Variants in CABIN1 observed in about 807,000 individuals in gnomAD.
CABIN1 encodes the protein calcineurin binding protein 1, also known as calcineurin-binding protein cabin-1.
A neutral mutation model predicts 227.7 loss-of-function variants in CABIN1; 133 were observed. The observed-to-expected ratio is 0.58, with a 90% CI of 0.51 to 0.67. The LOEUF (loss-of-function observed/expected upper bound fraction) is 0.67. CABIN1 is among the 30% of genes least tolerant of loss of function. The probability of loss-of-function intolerance (pLI) is 0.00; values close to 1 mark genes in which losing one functional copy is unlikely to be tolerated. For synonymous variants in CABIN1, 1,086 were observed against 1,155.1 expected (o/e 0.94, Z 1.21); for missense variants, 2,408 against 2,852.5 (o/e 0.84, Z 3.55).
chr22:24,025,634 G>C (rs906919582), intron 1 of CABIN1, among the ~76,000 whole-genome samples: 1 of 152,154 alleles, frequency 6.6e-6, no homozygotes, highest in African/African-American at 2.4e-5. Context: ...CGCTCTGCTG[G>C]TTGTTTTAAG....
chr22:24,091,933 A>G, intron 24 of CABIN1, 90 bp downstream of exon 24: 1 of 1,535,974 alleles, frequency 6.5e-7, no homozygotes, highest in Non-Finnish European at 8.9e-7. Flanking sequence ...GGTTCCAGTG[A>G]CCGTCCTTCA....
rs1461010763 is a variant in CABIN1, at chr22:24,167,004, G to A, written c.5373G>A (p.Glu1791=). The change falls in exon 32 of 37, where the codon GAG becomes GAA. Residue 1791 remains glutamate, a synonymous_variant. Transcript: ENST00000263119. ...PGRPARDRGP[E]SRPTELSLEE... The stretch of plus-strand genomic sequence containing the variant: ...GCCCCGCAAGGGACCGGGGCCCCGA[G>A]AGCCGGCCCACTGAGCTGTCCCTGG... 4 of 1,562,636 alleles carry A rather than the reference G, an allele frequency of 2.6e-6. No homozygotes were observed. In the Admixed American group the frequency reaches 7.7e-5, roughly 30 times the overall value.
Position 24,177,563 on chromosome 22 carries a change from A to T in CABIN1, c.6265A>T (p.Thr2089Ser). Residue 2089 changes from threonine (T) to serine (S), a missense_variant, in exon 36 of 37, where the codon ACT becomes TCT. Thr to Ser is a moderately conservative substitution (Grantham distance 58, BLOSUM62 1). This residue lies in a region of CABIN1 where 714 missense variants were observed against 773.8 expected (regional missense o/e 0.92). Coordinates refer to ENST00000263119, the MANE Select transcript of CABIN1 (RefSeq NM_012295.4). The surrounding 1 kb of genome is among the most constrained non-coding windows in gnomAD (Gnocchi z 4.4). The part of the protein sequence containing the change: ...DGEAQEAASE[T>S]QPLSSPPTAA... The stretch of plus-strand genomic sequence containing the variant: ...GGAGGCTCAGGAGGCTGCGAGTGAG[A>T]CTCAGCCCCTGAGCTCTCCCCCAAC... 1.3e-6 allele frequency: 2 copies of T among 1,589,826 alleles called. No individual in the cohort carries two copies. The highest frequency in any genetic ancestry group is 1.7e-6 in the Non-Finnish European group (2 of 1,163,654).
intron 29 of CABIN1, 71 bp from the exon 30 acceptor site, chr22:24,164,329 A>G (rs916650841): frequency 1.5e-4 from 241 of 1,582,348 alleles, no homozygotes; most frequent in Non-Finnish European, 2.0e-4. Context: ...TCCAGGGGAT[A>G]CCAGACAGGG....
intron 33 of CABIN1, 96 bp from the exon 34 acceptor site, chr22:24,171,616 GA>G (rs1235882925): frequency 2.4e-5 from 34 of 1,432,624 alleles, no homozygotes; most frequent in Non-Finnish European, 3.1e-5. Flanking sequence ...AGGCGCACAG[GA>G]TGTCCTGTGG....
At chr22:24,048,495 A>C (rs1356293319) in intron 6 of CABIN1, among the ~76,000 whole-genome samples, 1 of 151,900 alleles carries the variant, frequency 6.6e-6, no homozygotes, top group Non-Finnish European at 1.5e-5. Context: ...ATCACAGCTC[A>C]CTGCAGCCTC....
chr22:24,057,922 T>A (rs2038921667), intron 10 of CABIN1, among the ~76,000 whole-genome samples: 1 of 152,236 alleles, frequency 6.6e-6, no homozygotes, highest in Admixed American at 6.5e-5. Context: ...TAGCCCTGCT[T>A]TTTACTCCAA....
intron 35 of CABIN1, among the ~76,000 whole-genome samples, chr22:24,176,750 G>A (rs1039361292): frequency 6.6e-6 from 1 of 152,202 alleles, no homozygotes; most frequent in Non-Finnish European, 1.5e-5. Flanking sequence ...TTCTAGCCCT[G>A]GCCTCAGTCC....
intron 3 of CABIN1, 44 bp from the exon 4 acceptor site, chr22:24,038,304 A>C: frequency 1.3e-6 from 2 of 1,518,044 alleles, no homozygotes; most frequent in Non-Finnish European, 1.8e-6. Flanking sequence ...TAAAAAAGAC[A>C]GATCTTTATG....
At chr22:24,036,778 A>C (rs2036927259) in intron 3 of CABIN1, among the ~76,000 whole-genome samples, 1 of 151,756 alleles carries the variant, frequency 6.6e-6, no homozygotes, top group African/African-American at 2.4e-5. Flanking sequence ...CTTCCCTTCC[A>C]CCCCGCTGCA....
At chr22:24,140,864 C>T (rs759373543) in intron 29 of CABIN1, among the ~76,000 whole-genome samples, 20 of 152,164 alleles carry the variant, frequency 1.3e-4, no homozygotes, top group Admixed American at 2.0e-4. Flanking sequence ...TCCCCTAAAG[C>T]TGCTCCTGCC....
At chr22:24,079,276 GTTA>G (rs1405018349) in intron 19 of CABIN1, among the ~76,000 whole-genome samples, 1 of 151,724 alleles carries the variant, frequency 6.6e-6, no homozygotes. Flanking sequence ...GTAAGTATTT[GTTA>G]TTATTTTTTA....
Position 24,168,455 on chromosome 22 carries a change from G to C in CABIN1, c.5691G>C (p.Glu1897Asp). The C allele has an allele frequency of 6.4e-7, 1 of 1,571,392 alleles. No homozygotes were observed. The highest frequency in any genetic ancestry group is 8.6e-7 in the Non-Finnish European group (1 of 1,158,202). Residue 1897 changes from glutamate (E) to aspartate (D), a missense_variant, in exon 33 of 37, where the codon GAG becomes GAC. This residue lies in a region of CABIN1 where 714 missense variants were observed against 773.8 expected (regional missense o/e 0.92). Transcript: ENST00000263119. ...AGCATCTCCCTGTTAAGGTGGATGA[G>C]GAGGCTGCGCTGGAGCAGGCTGTGA... ...ETYMLIKQVD[E>D]EAALEQAVKF...
At chr22:24,035,403 C>G (rs2036791546) in intron 1 of CABIN1, 41 bp from the exon 2 acceptor site, 3 of 1,417,514 alleles carry the variant, frequency 2.1e-6, no homozygotes, top group Admixed American at 1.7e-5. Flanking sequence ...CTTCCTGGCT[C>G]TTCATAGGCC....
intron 28 of CABIN1, among the ~76,000 whole-genome samples, chr22:24,133,669 G>A (rs2044213226): frequency 6.6e-6 from 1 of 152,228 alleles, no homozygotes; most frequent in African/African-American, 2.4e-5. Context: ...TGGCTGCTGT[G>A]GTGAAGACCA....
At chr22:24,120,283 T>C (rs1179596464) in intron 28 of CABIN1, among the ~76,000 whole-genome samples, 3 of 152,304 alleles carry the variant, frequency 2.0e-5, no homozygotes, top group Non-Finnish European at 4.4e-5. Context: ...CTCCAGCTCT[T>C]TTTGGAAAGC....
intron 29 of CABIN1, among the ~76,000 whole-genome samples, chr22:24,139,535 C>T (rs2044620629): frequency 6.6e-6 from 1 of 151,242 alleles, no homozygotes; most frequent in Admixed American, 6.6e-5. Context: ...CACTGCGCTC[C>T]AGCCTGGGCG....
chr22:24,098,247 G>A, intron 26 of CABIN1, 55 bp downstream of exon 26: 3 of 1,612,520 alleles, frequency 1.9e-6, no homozygotes, highest in South Asian at 2.2e-5. Context: ...AATCACGGGG[G>A]GGTGCTCGGA....
rs1382138589 is a variant in CABIN1 at position 24,087,793 on chromosome 22, A to G, written c.3525+80A>G. 35 of 1,555,620 alleles carry G rather than the reference A, an allele frequency of 2.2e-5. No individual in the cohort carries two copies. The Admixed American group carries it at 4.2e-4, about 19-fold the overall frequency. On this transcript the variant is annotated intron_variant, in intron 23 of 36. Transcript: ENST00000263119. ...CCTCAGGTCAACGAAGCTCTGTCTC[A>G]TTCGTACTTTATTCTTGTCCACACA...
Sources: gnomAD v4.1 joint callset for allele counts (sites outside exome capture counted in the v4.1 genomes callset) on GRCh38, gnomAD v4.1.1 for gene constraint, gnomAD v4.1.1 regional missense constraint, Gnocchi (gnomAD v3.1) non-coding constraint, MANE v1.5 for transcripts, NCBI Gene and HGNC (gene_info 2026-07-23, HGNC 2026-07-21) for gene names.